Variants in GRIP1 observed in about 807,000 individuals in gnomAD.
GRIP1 encodes the protein glutamate receptor interacting protein 1.
Under a neutral mutation model 129.9 loss-of-function variants are expected in GRIP1, and 45 were observed. That is an observed-to-expected ratio of 0.35 (90% CI 0.27 to 0.44). The LOEUF (loss-of-function observed/expected upper bound fraction) is 0.44, where lower values mean the gene tolerates loss of function less well. GRIP1 is among the 20% of genes least tolerant of loss of function. The pLI, the probability that GRIP1 is intolerant of heterozygous loss-of-function variation, is 1.00. For missense variants in GRIP1, 1,196 were observed against 1,396.8 expected (o/e 0.86, Z 2.29); for synonymous variants, 530 against 520.8 (o/e 1.02, Z -0.24).
At chr12:66,476,895 T>C (rs948562702) in intron 7 of GRIP1, among the ~76,000 whole-genome samples, 1 of 152,174 alleles carries the variant, frequency 6.6e-6, no homozygotes, top group Non-Finnish European at 1.5e-5. Flanking sequence ...ATAAGAACTA[T>C]TTATGATAAA....
chr12:66,542,610 A>G (rs1315316816), intron 2 of GRIP1, among the ~76,000 whole-genome samples: 4 of 152,202 alleles, frequency 2.6e-5, no homozygotes, highest in Non-Finnish European at 2.9e-5. Flanking sequence ...TTAAAATTTC[A>G]CAGATCTTGT....
At chr12:66,596,948 G>A (rs376816585) in intron 1 of GRIP1, 21 bp from the exon 2 acceptor site, 10 of 1,544,448 alleles carry the variant, frequency 6.5e-6, no homozygotes, top group Admixed American at 1.7e-5. Flanking sequence ...ACAATGAAGC[G>A]TTTGGTTAAT....
intron 1 of GRIP1, among the ~76,000 whole-genome samples, chr12:66,620,512 A>G (rs1190257325): frequency 1.3e-5 from 2 of 152,036 alleles, no homozygotes; most frequent in Non-Finnish European, 2.9e-5. Flanking sequence ...TGGACATTCT[A>G]CTTCATTATC....
chr12:66,774,009 T>C (rs1229604347), intron 1 of GRIP1, among the ~76,000 whole-genome samples: 1 of 151,450 alleles, frequency 6.6e-6, no homozygotes, highest in Non-Finnish European at 1.5e-5. Context: ...ACCTGAATGG[T>C]GCTAGAAGAT....
intron 1 of GRIP1, among the ~76,000 whole-genome samples, chr12:66,752,394 T>A (rs2037156102): frequency 6.6e-6 from 1 of 152,158 alleles, no homozygotes; most frequent in Non-Finnish European, 1.5e-5. Flanking sequence ...TAACATTTAG[T>A]TTTATAGTAA....
At position 66,823,611 on chromosome 12, in the gene GRIP1, TA is replaced by T. The variant is rs1040595987; in HGVS notation, c.59-226685del. Among the ~76,000 whole-genome samples, 7 of 151,918 alleles carry T rather than the reference TA, an allele frequency of 4.6e-5. No homozygotes were observed. The East Asian group carries it at 9.6e-4, about 21-fold the overall frequency. On this transcript the variant is annotated intron_variant, in intron 1 of 1. Coordinates refer to the GRIP1 transcript ENST00000643019. ...GAAAAATTAAGATTTTGTACTTTGATAAAAAAAATCAGAGACATTTAATAGA... is the reference window on the plus strand; with the variant it reads ...GAAAAATTAAGATTTTGTACTTTGATAAAAAAATCAGAGACATTTAATAGA...
rs142484657 is a variant in GRIP1 at position 66,883,414 on chromosome 12, A to G, written c.58+185636T>C. On this transcript the variant is annotated intron_variant, in intron 1 of 1. Coordinates refer to the GRIP1 transcript ENST00000643019. ...GGTGCTCAATAAATCTATATTGAAC[A>G]AGCAAATGAAAACTCTATAATATAA... Among the ~76,000 whole-genome samples the G allele has an allele frequency of 1.1e-4, 17 of 152,328 alleles. No homozygotes were observed. In the East Asian group the frequency reaches 2.9e-3, roughly 26 times the overall value.
At chr12:66,759,971 C>G (rs1012020218) in intron 1 of GRIP1, among the ~76,000 whole-genome samples, 3 of 152,054 alleles carry the variant, frequency 2.0e-5, no homozygotes, top group African/African-American at 7.3e-5. Context: ...TCTCCTGCCT[C>G]AGCCTCCAGA....
Position 66,926,958 on chromosome 12 carries a change from C to T in GRIP1, c.58+142092G>A, listed in dbSNP as rs567480809. Among the ~76,000 whole-genome samples the T allele has an allele frequency of 2.0e-5, 3 of 152,322 alleles. No individual in the cohort carries two copies. In the South Asian group the frequency reaches 6.2e-4, roughly 32 times the overall value. ...TCCCAAATCTAATTAGAATGCTCAT[C>T]ATTCATTCATCAATGATTTATTAAA... On this transcript the variant is annotated intron_variant, in intron 1 of 1. Transcript: ENST00000643019.
chr12:66,727,076 A>G (rs1382073434), intron 1 of GRIP1, among the ~76,000 whole-genome samples: 3 of 152,194 alleles, frequency 2.0e-5, no homozygotes, highest in African/African-American at 7.2e-5. Flanking sequence ...CTCAAACAAC[A>G]TATACTCCAT....
chr12:66,751,190 C>A (rs2037115575), intron 1 of GRIP1, among the ~76,000 whole-genome samples: 1 of 152,050 alleles, frequency 6.6e-6, no homozygotes, highest in Non-Finnish European at 1.5e-5. Flanking sequence ...TGAAAGCCCC[C>A]CAAAGTACTT....
intron 2 of GRIP1, among the ~76,000 whole-genome samples, chr12:66,590,036 T>G (rs1251502645): frequency 6.6e-6 from 1 of 152,134 alleles, no homozygotes; most frequent in Non-Finnish European, 1.5e-5. Context: ...GGAAGAGACT[T>G]TTTCCTTATA....
chr12:66,841,551 C>T (rs897715262), intron 1 of GRIP1, among the ~76,000 whole-genome samples: 11 of 152,186 alleles, frequency 7.2e-5, no homozygotes, highest in African/African-American at 2.7e-4. Context: ...TCAAGGCATT[C>T]TTCAATACAT....
intron 1 of GRIP1, among the ~76,000 whole-genome samples, chr12:67,047,119 A>G (rs1179140771): frequency 1.3e-5 from 2 of 152,200 alleles, no homozygotes; most frequent in Non-Finnish European, 2.9e-5. Flanking sequence ...TAAACATATC[A>G]GTAAAACCAA....
intron 9 of GRIP1, among the ~76,000 whole-genome samples, chr12:66,461,360 T>C (rs1271662951): frequency 1.3e-5 from 2 of 152,222 alleles, no homozygotes; most frequent in Non-Finnish European, 1.5e-5. Flanking sequence ...TACATTCTTA[T>C]GGCTACTGTG....
intron 13 of GRIP1, among the ~76,000 whole-genome samples, chr12:66,442,542 AT>A (rs2058497769): frequency 6.6e-6 from 1 of 152,026 alleles, no homozygotes; most frequent in Admixed American, 6.6e-5. Context: ...TAATGAATTA[AT>A]TTTTTTGAGA....
intron 16 of GRIP1, among the ~76,000 whole-genome samples, chr12:66,399,940 G>A (rs781006932): frequency 1.3e-5 from 2 of 151,886 alleles, no homozygotes; most frequent in African/African-American, 2.4e-5. Context: ...ACTGCTGCAC[G>A]GTCATTTTAC....
chr12:66,395,966 A>G (rs1307222677), intron 16 of GRIP1, among the ~76,000 whole-genome samples: 3 of 152,196 alleles, frequency 2.0e-5, no homozygotes, highest in Non-Finnish European at 4.4e-5. Context: ...AAATTTTCCT[A>G]CAGTACGATA....
chr12:66,558,173 T>C (rs1321708829), intron 2 of GRIP1, among the ~76,000 whole-genome samples: 1 of 152,084 alleles, frequency 6.6e-6, no homozygotes, highest in African/African-American at 2.4e-5. Flanking sequence ...TATTAGTCCG[T>C]TTTCATGCTG....
Sources: allele counts gnomAD v4.1 joint callset (sites outside exome capture counted in the v4.1 genomes callset), GRCh38; gene constraint gnomAD v4.1.1; transcripts MANE v1.5; gene names NCBI Gene and HGNC (gene_info 2026-07-23, HGNC 2026-07-21).